Variants in SP100 observed in about 807,000 individuals in gnomAD.
The protein encoded by SP100 is nuclear autoantigen Sp-100.
Under a neutral mutation model 130.0 loss-of-function variants are expected in SP100, and 84 were observed. The observed-to-expected ratio is 0.65, with a 90% CI of 0.54 to 0.77. SP100 has a LOEUF of 0.77. Among genes scored for constraint, SP100 ranks in the 30% least tolerant of loss-of-function variants. SP100 has a pLI of 0.00. For missense variants in SP100, 978 were observed against 1,052.2 expected (o/e 0.93, Z 0.97); for synonymous variants, 331 against 351.7 (o/e 0.94, Z 0.66).
At chr2:230,541,032 C>A in intron 26 of SP100, 36 bp downstream of exon 26, 1 of 1,587,208 alleles carries the variant, frequency 6.3e-7, no homozygotes, top group African/African-American at 1.3e-5. Context: ...CTCTTCCTTT[C>A]TGTTCACCTG....
intron 17 of SP100, among the ~76,000 whole-genome samples, chr2:230,492,061 C>T (rs980489180): frequency 2.0e-5 from 3 of 152,126 alleles, no homozygotes; most frequent in Non-Finnish European, 2.9e-5. Flanking sequence ...TAGACAGTAT[C>T]CTTTAGTTTC....
At chr2:230,434,591 A>G (rs577145478) in intron 2 of SP100, among the ~76,000 whole-genome samples, 2 of 152,282 alleles carry the variant, frequency 1.3e-5, no homozygotes, top group African/African-American at 4.8e-5. Context: ...GGGAGTAGTA[A>G]GGGCATGAGA....
chr2:230,428,722 G>T (rs572163937), intron 2 of SP100, among the ~76,000 whole-genome samples: 1 of 152,068 alleles, frequency 6.6e-6, no homozygotes, highest in Non-Finnish European at 1.5e-5. Context: ...GATTACAGGC[G>T]TGAGCCACCA....
At chr2:230,417,728 C>T in intron 2 of SP100, 63 bp downstream of exon 2, 1 of 1,576,594 alleles carries the variant, frequency 6.3e-7, no homozygotes, top group Non-Finnish European at 8.6e-7. Flanking sequence ...GAAAATTGAT[C>T]AGCTTTTCAT....
intron 24 of SP100, among the ~76,000 whole-genome samples, chr2:230,525,393 A>T (rs1383684797): frequency 6.6e-6 from 1 of 152,180 alleles, no homozygotes; most frequent in Admixed American, 6.5e-5. Flanking sequence ...CTTAGTCTTG[A>T]TGAAGGTGAA....
At chr2:230,481,238 G>T (rs1276009585) in intron 17 of SP100, among the ~76,000 whole-genome samples, 1 of 152,052 alleles carries the variant, frequency 6.6e-6, no homozygotes, top group Admixed American at 6.6e-5. Context: ...CTCCTCAACT[G>T]CGAAGTCATA....
rs2066298423 is a variant in SP100, at chr2:230,489,749, T to A, written c.1601-4667T>A. ...CATTGGTTTCAAAGAACTTCTTGAT[T>A]TCTGCCTTAATTTCATTATTTACCC... On this transcript the variant is annotated intron_variant, in intron 17 of 28. Transcript: ENST00000340126. Among the ~76,000 whole-genome samples, 5 of 152,318 alleles carry A rather than the reference T, an allele frequency of 3.3e-5. No individual in the cohort carries two copies. In the South Asian group the frequency reaches 1.0e-3, roughly 32 times the overall value.
intron 24 of SP100, among the ~76,000 whole-genome samples, chr2:230,528,838 T>A (rs1304737802): frequency 1.3e-5 from 2 of 152,134 alleles, no homozygotes; most frequent in Non-Finnish European, 2.9e-5. Flanking sequence ...AAGAAATGGA[T>A]AAATTTCTGG....
At chr2:230,535,696 T>C (rs909000321) in intron 24 of SP100, among the ~76,000 whole-genome samples, 1 of 151,766 alleles carries the variant, frequency 6.6e-6, no homozygotes, top group Non-Finnish European at 1.5e-5. Context: ...TCACTTGAGG[T>C]CAGGGGTTTG....
intron 17 of SP100, among the ~76,000 whole-genome samples, chr2:230,486,423 G>T (rs6711920): frequency 0.16 from 24,971 of 152,140 alleles, 2,465 homozygotes; most frequent in Non-Finnish European, 0.23. Flanking sequence ...AGAACATACA[G>T]TGTTTGGTTT....
intron 2 of SP100, among the ~76,000 whole-genome samples, chr2:230,421,504 C>CACATATATAT (rs2062768017): frequency 6.8e-6 from 1 of 146,230 alleles, no homozygotes; most frequent in African/African-American, 2.5e-5. Context: ...AGAAGATATA[C>CACATATATAT]ATATATATAT....
intron 24 of SP100, among the ~76,000 whole-genome samples, chr2:230,537,088 C>T (rs780493139): frequency 4.6e-5 from 7 of 152,186 alleles, no homozygotes; most frequent in Non-Finnish European, 1.0e-4. Context: ...CAAAACCCCA[C>T]CTCCACAAAA....
chr2:230,541,589 G>A (rs183057755), intron 27 of SP100, among the ~76,000 whole-genome samples: 98 of 152,304 alleles, frequency 6.4e-4, no homozygotes, highest in African/African-American at 1.6e-3. Context: ...AGTAGGGTCC[G>A]GTTCTGGAGA....
chr2:230,494,240 T>C (rs953106573), intron 17 of SP100, among the ~76,000 whole-genome samples, 176 bp from the exon 18 acceptor site: 2 of 152,046 alleles, frequency 1.3e-5, no homozygotes, highest in African/African-American at 4.8e-5. Context: ...CAGGTTGCTT[T>C]GTGGTTATTG....
chr2:230,473,615 G>A (rs951952558), intron 16 of SP100, among the ~76,000 whole-genome samples, 175 bp downstream of exon 16: 9 of 152,148 alleles, frequency 5.9e-5, no homozygotes, highest in African/African-American at 2.2e-4. Context: ...TGAAATCATA[G>A]TCCCGGTTTC....
chr2:230,499,443 C>T, intron 19 of SP100, among the ~76,000 whole-genome samples: 1 of 32,294 alleles, frequency 3.1e-5, no homozygotes, highest in Non-Finnish European at 7.7e-5. Flanking sequence ...AAAACTCTTT[C>T]TCTGGCCACA....
intron 24 of SP100, among the ~76,000 whole-genome samples, chr2:230,534,267 G>A (rs935588406): frequency 6.6e-5 from 10 of 152,122 alleles, no homozygotes; most frequent in South Asian, 2.1e-4. Context: ...TTAGCCGGGC[G>A]TGGTGGTGGG....
chr2:230,432,144 G>A (rs1485351712), intron 2 of SP100, among the ~76,000 whole-genome samples: 3 of 151,930 alleles, frequency 2.0e-5, no homozygotes, highest in Non-Finnish European at 2.9e-5. Flanking sequence ...TATATTATAC[G>A]GTCTTTTACA....
Position 230,497,594 on chromosome 2 carries a change from A to C in SP100, c.1646-867A>C, listed in dbSNP as rs375368131. Among the ~76,000 whole-genome samples the C allele has an allele frequency of 5.2e-5, 7 of 134,598 alleles. No homozygotes were observed. The South Asian group carries it at 8.3e-4, about 16-fold the overall frequency. The allele number at this position is 134,598 out of a possible 152,430, so 88.3% of individuals were successfully genotyped here. A position where few individuals can be genotyped will look rare whatever the true frequency, so the allele number is the denominator to read the frequency against. ...AAGGAAAGGAAAGGAAAGGAAAGGAAAGGAAAGGAAAGGAAAGGAAAGGAT... is the reference window on the plus strand; with the variant it reads ...AAGGAAAGGAAAGGAAAGGAAAGGACAGGAAAGGAAAGGAAAGGAAAGGAT... On this transcript the variant is annotated intron_variant, in intron 18 of 28. Coordinates refer to ENST00000340126, the MANE Select transcript of SP100 (RefSeq NM_001080391.2).
Sources: allele counts gnomAD v4.1 joint callset (sites outside exome capture counted in the v4.1 genomes callset), GRCh38; gene constraint gnomAD v4.1.1; transcripts MANE v1.5; gene names NCBI Gene and HGNC (gene_info 2026-07-23, HGNC 2026-07-21).